The following ARV1 variants were observed in gnomAD, a reference collection of about 807,000 sequenced individuals.
The protein encoded by ARV1 is ARV1 fatty acid homeostasis modulator, also known as protein ARV1.
A neutral mutation model predicts 31.1 loss-of-function variants in ARV1; 26 were observed. The observed-to-expected ratio is 0.84, with a 90% confidence interval of 0.61 to 1.16. The LOEUF (loss-of-function observed/expected upper bound fraction) is 1.16, where lower values mean the gene tolerates loss of function less well. Ranked by LOEUF, ARV1 falls within the 50% of genes most tolerant of loss-of-function variation. The probability of loss-of-function intolerance (pLI) is 0.00; values close to 1 mark genes in which losing one functional copy is unlikely to be tolerated. For synonymous variants in ARV1, 117 were observed against 123.2 expected (o/e 0.95, Z 0.34); for missense variants, 281 against 324.9 (o/e 0.86, Z 1.04).
intron 1 of ARV1, among the ~76,000 whole-genome samples, chr1:230,984,197 A>G (rs1678985637): frequency 6.6e-6 from 1 of 152,168 alleles, no homozygotes; most frequent in South Asian, 2.1e-4. Flanking sequence ...CTGTAGTGGG[A>G]CAAGATCCTG....
intron 2 of ARV1, among the ~76,000 whole-genome samples, chr1:230,989,615 A>T (rs1486271895): frequency 2.0e-5 from 3 of 152,206 alleles, no homozygotes; most frequent in African/African-American, 4.8e-5. Context: ...AGATATTTTT[A>T]AAAAACTGAT....
rs770544889 is a variant in ARV1 at position 230,990,278 on chromosome 1, T to C, written c.448+15T>C. On this transcript the variant is annotated intron_variant, in intron 3 of 5. Transcript: ENST00000310256. ...TGCTGCTTTAGGTAAGGAGATGCCA[T>C]GCTTTCCATTCTTAGTTAACTATTC... 3.7e-6 allele frequency: 6 copies of C among 1,612,168 alleles called. No homozygotes were observed. In the Admixed American group the frequency reaches 1.0e-4, roughly 27 times the overall value.
Position 230,979,245 on chromosome 1 carries a change from AC to A in ARV1, c.141del (p.Tyr48IlefsTer6). The stretch of plus-strand genomic sequence containing the variant: ...CAGGAGGCCAAAGAGTTGTACCGAG[AC>A]TATAACCACGGTGTGCTGAAGATAA... ...CNQEAKELYR[D>X]YNHGVLKITI... On this transcript the variant is annotated frameshift_variant, in exon 1 of 6. Coordinates refer to ENST00000310256, the MANE Select transcript of ARV1 (RefSeq NM_022786.3). LOFTEE classifies it high-confidence loss of function. 6.2e-7 allele frequency: 1 copy of A among 1,613,274 alleles called. No individual in the cohort carries two copies. Among genetic ancestry groups the A allele is most frequent in the South Asian group, 1.1e-5 (1 of 90,894 alleles).
chr1:230,995,939 C>T lies in ARV1; in HGVS notation c.628C>T (p.Leu210Phe), dbSNP rs1253997944. 7 of 1,613,944 alleles carry T rather than the reference C, an allele frequency of 4.3e-6. No homozygotes were observed. Among genetic ancestry groups the T allele is most frequent in the Non-Finnish European group, 5.1e-6 (6 of 1,180,002 alleles). Residue 210 changes from leucine to phenylalanine, a missense_variant, in exon 4 of 6, where the codon CTC becomes TTC. Physicochemically the swap from Leu to Phe is conservative, Grantham distance 22. Transcript: ENST00000310256. Reference sequence around the variant, plus strand: ...TGACTACACATCTGTGTGCCTCAAACTCATTAAAGTATTTGTTCTTACATC... The same window carrying T: ...TGACTACACATCTGTGTGCCTCAAATTCATTAAAGTATTTGTTCTTACATC... ...EHDYTSVCLKLIKVFVLTSNF... is the reference protein window; with the variant it reads ...EHDYTSVCLKFIKVFVLTSNF...
At chr1:230,994,824 A>G (rs1477268813) in intron 3 of ARV1, among the ~76,000 whole-genome samples, 1 of 152,172 alleles carries the variant, frequency 6.6e-6, no homozygotes, top group Admixed American at 6.5e-5. Flanking sequence ...GATTACAGGC[A>G]TGAGCCACCA....
intron 3 of ARV1, among the ~76,000 whole-genome samples, chr1:230,995,032 G>C (rs1440490522): frequency 6.6e-6 from 1 of 152,176 alleles, no homozygotes; most frequent in Non-Finnish European, 1.5e-5. Context: ...TAAGGGACTG[G>C]CCACTCAGAA....
chr1:230,984,964 T>A (rs1478657442), intron 1 of ARV1, among the ~76,000 whole-genome samples: 6 of 152,178 alleles, frequency 3.9e-5, no homozygotes, highest in Admixed American at 6.5e-5. Flanking sequence ...CCAGGCCAAC[T>A]CCTTACGGAA....
intron 3 of ARV1, 56 bp downstream of exon 3, chr1:230,990,319 G>A (rs916019033): frequency 7.6e-6 from 12 of 1,582,686 alleles, no homozygotes; most frequent in African/African-American, 1.4e-5. Context: ...TAACTAATCT[G>A]GTTAAAACTA....
chr1:230,984,625 T>A (rs1189004326), intron 1 of ARV1, among the ~76,000 whole-genome samples: 1 of 152,106 alleles, frequency 6.6e-6, no homozygotes, highest in Non-Finnish European at 1.5e-5. Flanking sequence ...GGAAGGGGCT[T>A]GATTAACTTT....
chr1:230,979,289 C>A lies in ARV1; in HGVS notation c.174+10C>A. ...GAAGATAACCATCTGTGTGAGTTGTCAGGTGTGGGGTGCCCTTGAGAAGAA... is the reference window on the plus strand; with the variant it reads ...GAAGATAACCATCTGTGTGAGTTGTAAGGTGTGGGGTGCCCTTGAGAAGAA... On this transcript the variant is annotated intron_variant, in intron 1 of 5. Transcript: ENST00000310256. 1 of 1,613,016 alleles carries A rather than the reference C, an allele frequency of 6.2e-7. No homozygotes were observed. The highest frequency in any genetic ancestry group is 1.1e-5 in the South Asian group (1 of 90,826).
intron 3 of ARV1, among the ~76,000 whole-genome samples, chr1:230,992,917 A>T (rs974135307): frequency 1.3e-5 from 2 of 152,164 alleles, no homozygotes; most frequent in African/African-American, 4.8e-5. Context: ...TTTTGTATAC[A>T]ATTTGGACTT....
Position 230,988,329 on chromosome 1 carries a change from C to T in ARV1, c.184C>T (p.Gln62Ter), listed in dbSNP as rs766195640. 3 of 1,590,284 alleles carry T rather than the reference C, an allele frequency of 1.9e-6. No homozygotes were observed. The highest frequency in any genetic ancestry group is 2.6e-6 in the Non-Finnish European group (3 of 1,163,958). ...TCTTGTATTATTTCAGAAATCCTGC[C>T]AGAAACCTGTAGACAAATATATCGA... is the stretch of plus-strand genomic sequence containing the variant. ...VLKITICKSC[Q>*]KPVDKYIEYD... is the part of the protein sequence containing the mutation. The change falls in exon 2 of 6, where the codon CAG (glutamine) becomes TAG (stop). Residue 62 changes from glutamine to a stop codon, truncating the protein, a stop_gained. Transcript: ENST00000310256. LOFTEE classifies it high-confidence loss of function.
At position 230,995,966 on chromosome 1, in the gene ARV1, A is replaced by G. The variant is rs767939327; in HGVS notation, c.655A>G (p.Asn219Asp). Residue 219 changes from asparagine to aspartate, a missense_variant, in exon 4 of 6, where the codon AAT becomes GAT. Asn to Asp is a conservative substitution (Grantham distance 23, BLOSUM62 1). Coordinates refer to ENST00000310256, the MANE Select transcript of ARV1 (RefSeq NM_022786.3). ...CATTAAAGTATTTGTTCTTACATCA[A>G]ATTTTCAGGCAATTAGAGGTATGTT... ...KLIKVFVLTS[N>D]FQAIRVTLNI... The G allele has an allele frequency of 3.0e-5, 48 of 1,612,972 alleles. No individual in the cohort carries two copies. Among genetic ancestry groups the G allele is most frequent in the Admixed American group, 6.7e-5 (4 of 59,954 alleles).
intron 4 of ARV1, among the ~76,000 whole-genome samples, chr1:230,996,275 C>T (rs893492615): frequency 6.6e-6 from 1 of 152,030 alleles, no homozygotes; most frequent in African/African-American, 2.4e-5. Context: ...TCCTGGGGCT[C>T]TGAGGGTTAA....
intron 3 of ARV1, 122 bp from the exon 4 acceptor site, chr1:230,995,638 G>T: frequency 1.4e-6 from 1 of 702,614 alleles, no homozygotes. Context: ...TTGTGATCTT[G>T]AGAAAGTATT....
chr1:230,988,987 A>G (rs1679159730), intron 2 of ARV1, among the ~76,000 whole-genome samples: 1 of 152,206 alleles, frequency 6.6e-6, no homozygotes, highest in Non-Finnish European at 1.5e-5. Flanking sequence ...GATAACATAC[A>G]GGACAGTCAA....
intron 3 of ARV1, among the ~76,000 whole-genome samples, chr1:230,994,182 A>G (rs2103054431): frequency 6.6e-6 from 1 of 152,324 alleles, no homozygotes; most frequent in African/African-American, 2.4e-5. Flanking sequence ...TGAGAGCCTG[A>G]GGGCTGGTGT....
rs35606565 is a variant in ARV1 at position 230,995,839 on chromosome 1, C to T, written c.528C>T (p.Phe176=). 1.5e-4 allele frequency: 249 copies of T among 1,614,062 alleles called. No individual in the cohort carries two copies. In the African/African-American group the frequency reaches 2.9e-3, roughly 19 times the overall value. ...RPMTAKKKPN[F]ILLLKALLLS... ...TGACGGCAAAAAAAAAGCCCAACTTCATTTTGCTGCTGAAAGCATTATTAT... is the reference window on the plus strand; with the variant it reads ...TGACGGCAAAAAAAAAGCCCAACTTTATTTTGCTGCTGAAAGCATTATTAT... Residue 176 remains phenylalanine (F), a synonymous_variant, in exon 4 of 6, where the codon TTC becomes TTT. Coordinates refer to ENST00000310256, the MANE Select transcript of ARV1 (RefSeq NM_022786.3).
At chr1:230,984,732 A>G (rs893980703) in intron 1 of ARV1, among the ~76,000 whole-genome samples, 1 of 152,254 alleles carries the variant, frequency 6.6e-6, no homozygotes, top group East Asian at 1.9e-4. Context: ...GGTTACAGAG[A>G]GATAAACAAC....
Sources: gnomAD v4.1 joint callset for allele counts (sites outside exome capture counted in the v4.1 genomes callset) on GRCh38, gnomAD v4.1.1 for gene constraint, MANE v1.5 for transcripts, NCBI Gene and HGNC (gene_info 2026-07-23, HGNC 2026-07-21) for gene names.